Variants in PRPF3 observed in about 807,000 individuals in gnomAD.
PRPF3 encodes the protein U4/U6 small nuclear ribonucleoprotein Prp3.
A neutral mutation model predicts 89.2 loss-of-function variants in PRPF3; 3 were observed. The ratio of observed to expected loss-of-function variants is 0.03; its 90% CI spans 0.02 to 0.09. PRPF3 has a LOEUF of 0.09. Among genes scored for constraint, PRPF3 ranks in the 10% least tolerant of loss-of-function variants. The pLI is 1.00. For synonymous variants in PRPF3, 270 were observed against 289.1 expected (o/e 0.93, Z 0.67); for missense variants, 463 against 828.8 (o/e 0.56, Z 5.42).
At chr1:150,345,769 C>T (rs2102016123) in intron 12 of PRPF3, 2 of 496,180 alleles carry the variant, frequency 4.0e-6, no homozygotes, top group East Asian at 7.9e-5. Flanking sequence ...CTCTCCCTGA[C>T]TCTTAGAGTA....
chr1:150,325,028 C>T lies in PRPF3; in HGVS notation c.86C>T (p.Thr29Met), dbSNP rs1338428460. 1.9e-6 allele frequency: 3 copies of T among 1,613,632 alleles called. No individual in the cohort carries two copies. Among genetic ancestry groups the T allele is most frequent in the East Asian group, 2.2e-5 (1 of 44,872 alleles). The change falls in exon 2 of 16, where the codon ACG (threonine) becomes ATG (methionine). Residue 29 changes from threonine to methionine, a missense_variant. Thr to Met is a moderately conservative substitution (Grantham distance 81). Transcript: ENST00000324862. ...AGGGTCCTGGGTTTCTCAGAGCCTA[C>T]GGTGGTCACAGCAGCATTGAACTGT... ...VKRVLGFSEP[T>M]VVTAALNCVG...
At chr1:150,325,675 G>A (rs1655631631) in intron 2 of PRPF3, 76 bp from the exon 3 acceptor site, 2 of 1,554,860 alleles carry the variant, frequency 1.3e-6, no homozygotes, top group Admixed American at 1.7e-5. Flanking sequence ...TTCCAGTGTT[G>A]GTACCTGTTA....
chr1:150,338,977 C>T (rs1411217365), intron 8 of PRPF3, among the ~76,000 whole-genome samples: 1 of 152,042 alleles, frequency 6.6e-6, no homozygotes, highest in African/African-American at 2.4e-5. Context: ...TCCTTAATTA[C>T]ATTCTTTTGC....
At chr1:150,338,804 TGCACC>T (rs1657338882) in intron 8 of PRPF3, among the ~76,000 whole-genome samples, 1 of 152,126 alleles carries the variant, frequency 6.6e-6, no homozygotes, top group Admixed American at 6.6e-5. Context: ...CGTGAGCCAC[TGCACC>T]TGGCCAAGCT....
At chr1:150,335,976 G>C (rs1350792374) in intron 7 of PRPF3, among the ~76,000 whole-genome samples, 2 of 151,256 alleles carry the variant, frequency 1.3e-5, no homozygotes, top group African/African-American at 4.9e-5. Flanking sequence ...CACTATGTTG[G>C]CCCGGCTGGT....
chr1:150,328,767 G>A (rs1208366112), intron 4 of PRPF3, among the ~76,000 whole-genome samples: 1 of 151,750 alleles, frequency 6.6e-6, no homozygotes, highest in African/African-American at 2.4e-5. Flanking sequence ...TGGCCAGGCT[G>A]GTCTTGAACT....
chr1:150,330,566 AGGAT>A (rs1656238702), intron 4 of PRPF3: 1 of 151,180 alleles, frequency 6.6e-6, no homozygotes, highest in Admixed American at 6.6e-5. Flanking sequence ...CATGTTAGCC[AGGAT>A]GGTCTTGATC....
Position 150,335,111 on chromosome 1 carries a change from C to T in PRPF3, c.905C>T (p.Ser302Leu). 1 of 1,614,078 alleles carries T rather than the reference C, an allele frequency of 6.2e-7. No individual in the cohort carries two copies. The highest frequency in any genetic ancestry group is 8.5e-7 in the Non-Finnish European group (1 of 1,180,004). ...QFKQQLKEKP[S>L]EDMESNTFFD... ...AAGCAACAACTAAAGGAAAAGCCATCAGAAGACATGGAATCCAATACCTTT... is the reference window on the plus strand; with the variant it reads ...AAGCAACAACTAAAGGAAAAGCCATTAGAAGACATGGAATCCAATACCTTT... The change falls in exon 7 of 16, where the codon TCA becomes TTA. Residue 302 changes from serine to leucine, a missense_variant. By Grantham distance (145) the Ser-to-Leu change is moderately radical. Coordinates refer to ENST00000324862, the MANE Select transcript of PRPF3 (RefSeq NM_004698.4).
At chr1:150,328,222 CT>C in intron 3 of PRPF3, 97 bp from the exon 4 acceptor site, 12 of 1,465,174 alleles carry the variant, frequency 8.2e-6, no homozygotes, top group Non-Finnish European at 1.1e-5. Flanking sequence ...TCATATTCCC[CT>C]GGGAATAGCC....
chr1:150,348,854 C>G (rs1271281453), intron 14 of PRPF3: 1 of 375,322 alleles, frequency 2.7e-6, no homozygotes, highest in Admixed American at 4.1e-5. Flanking sequence ...AGCCTGCCTC[C>G]CAAAGTGCCT....
intron 1 of PRPF3, among the ~76,000 whole-genome samples, chr1:150,322,076 G>A (rs1393274784): frequency 6.6e-6 from 1 of 152,080 alleles, no homozygotes; most frequent in Non-Finnish European, 1.5e-5. Context: ...TAGTGACAAG[G>A]CTAATTACCG....
chr1:150,341,672 C>T (rs1657739216), intron 9 of PRPF3, among the ~76,000 whole-genome samples: 2 of 150,506 alleles, frequency 1.3e-5, no homozygotes, highest in African/African-American at 2.4e-5. Flanking sequence ...TCCCAAAGTG[C>T]TGGGATTATA....
At chr1:150,340,089 CA>C (rs1405662658) in intron 8 of PRPF3, among the ~76,000 whole-genome samples, 1 of 152,142 alleles carries the variant, frequency 6.6e-6, no homozygotes, top group Non-Finnish European at 1.5e-5. Flanking sequence ...CCTTCTTTGT[CA>C]GCCACTGTTC....
intron 7 of PRPF3, among the ~76,000 whole-genome samples, chr1:150,337,835 G>A (rs1657217418): frequency 6.6e-6 from 1 of 151,908 alleles, no homozygotes; most frequent in African/African-American, 2.4e-5. Context: ...ATCACTTTGG[G>A]AGGCCGAGGC....
At chr1:150,326,227 A>C (rs1390931129) in intron 3 of PRPF3, among the ~76,000 whole-genome samples, 2 of 152,152 alleles carry the variant, frequency 1.3e-5, no homozygotes, top group African/African-American at 4.8e-5. Context: ...AGGCCTAATA[A>C]GTTGTTTTAG....
chr1:150,343,248 AAT>A lies in PRPF3; in HGVS notation c.1283-44_1283-43del, dbSNP rs66790680. The A allele has an allele frequency of 0.011, 4,947 of 448,862 alleles. 101 individuals are homozygous for A. The African/African-American group carries it at 0.13, about 12-fold the overall frequency. The allele number at this position is 448,862 out of a possible 1,614,324, so 27.8% of individuals were successfully genotyped here. The stretch of plus-strand genomic sequence containing the variant: ...CAGAGTGAGAGAGAGAAAAAAAAAA[AAT>A]ATATATATATATATATGTATTCTTA... On this transcript the variant is annotated intron_variant, in intron 9 of 15. Coordinates refer to ENST00000324862, the MANE Select transcript of PRPF3 (RefSeq NM_004698.4).
At chr1:150,325,949 C>A (rs1655665651) in intron 3 of PRPF3, 68 bp downstream of exon 3, 3 of 1,573,256 alleles carry the variant, frequency 1.9e-6, no homozygotes, top group Non-Finnish European at 2.6e-6. Flanking sequence ...GCTGAGCTTA[C>A]CAGTTCACAC....
chr1:150,334,292 T>C (rs1312515331), intron 6 of PRPF3, among the ~76,000 whole-genome samples: 2 of 151,968 alleles, frequency 1.3e-5, no homozygotes, highest in Non-Finnish European at 2.9e-5. Context: ...GGCAGCAGAG[T>C]GAGACCATGT....
At chr1:150,325,700 G>A in intron 2 of PRPF3, 51 bp from the exon 3 acceptor site, 1 of 1,597,806 alleles carries the variant, frequency 6.3e-7, no homozygotes, top group Non-Finnish European at 8.6e-7. Flanking sequence ...CCTAGTATTA[G>A]ACTGTGTACT....
Sources: allele counts gnomAD v4.1 joint callset (sites outside exome capture counted in the v4.1 genomes callset), GRCh38; gene constraint gnomAD v4.1.1; transcripts MANE v1.5; gene names NCBI Gene and HGNC (gene_info 2026-07-23, HGNC 2026-07-21).